The following NRG3 variants were observed in gnomAD, a reference collection of about 807,000 sequenced individuals.
NRG3 encodes the protein pro-neuregulin-3, membrane-bound isoform.
In NRG3, 31 loss-of-function variants were observed where a neutral mutation model predicts 66.9. That is an observed-to-expected ratio of 0.46 (90% CI 0.35 to 0.63). The LOEUF (loss-of-function observed/expected upper bound fraction) is 0.63. Ranked by LOEUF, NRG3 falls within the 20% of genes least tolerant of loss-of-function variation. NRG3 has a pLI of 0.00. For synonymous variants in NRG3, 393 were observed against 359.4 expected, an observed-to-expected ratio of 1.09 and a Z score of -1.06; for missense variants, 910 against 878.9, an observed-to-expected ratio of 1.04 and a Z score of -0.45.
chr10:82,131,612 T>C (rs1377448350), intron 1 of NRG3, among the ~76,000 whole-genome samples: 1 of 152,162 alleles, frequency 6.6e-6, no homozygotes, highest in Non-Finnish European at 1.5e-5. Flanking sequence ...CTATCAAATC[T>C]GTATATTGCT....
chr10:82,330,001 C>A (rs1252966996), intron 1 of NRG3, among the ~76,000 whole-genome samples: 2 of 152,154 alleles, frequency 1.3e-5, no homozygotes, highest in East Asian at 3.9e-4. Context: ...TGCATTGATT[C>A]TCTTTCTTCC....
chr10:82,827,204 T>TA (rs5786573), intron 3 of NRG3: 2,645 of 192,990 alleles, frequency 0.014, 63 homozygotes, highest in Non-Finnish European at 0.019. Flanking sequence ...TACCAAATTG[T>TA]AAAAAAAAAA....
At chr10:82,776,071 T>G (rs1565302949) in intron 3 of NRG3, among the ~76,000 whole-genome samples, 1 of 152,214 alleles carries the variant, frequency 6.6e-6, no homozygotes, top group East Asian at 1.9e-4. Context: ...TTATAATCCT[T>G]TTATTTCCAA....
chr10:82,537,996 T>A, intron 2 of NRG3, among the ~76,000 whole-genome samples: 1 of 152,290 alleles, frequency 6.6e-6, no homozygotes, highest in East Asian at 1.9e-4. Context: ...ACACATTCCC[T>A]GTTCATTCAT....
intron 2 of NRG3, among the ~76,000 whole-genome samples, chr10:82,640,087 C>T (rs1265899656): frequency 6.6e-6 from 1 of 152,118 alleles, no homozygotes; most frequent in African/African-American, 2.4e-5. Flanking sequence ...CGTGTTCCTG[C>T]AGAGGACAAG....
At chr10:82,841,406 T>C (rs549810536) in intron 3 of NRG3, among the ~76,000 whole-genome samples, 1 of 152,304 alleles carries the variant, frequency 6.6e-6, no homozygotes, top group East Asian at 1.9e-4. Flanking sequence ...GAAATATGAA[T>C]AGTGATGATT....
At chr10:82,714,662 A>G (rs2056869280) in intron 2 of NRG3, among the ~76,000 whole-genome samples, 2 of 152,234 alleles carry the variant, frequency 1.3e-5, no homozygotes, top group Admixed American at 1.3e-4. Flanking sequence ...TGCAAATTCT[A>G]AATAAGGATT....
chr10:81,981,408 C>T (rs2060327097), intron 1 of NRG3, among the ~76,000 whole-genome samples: 1 of 152,212 alleles, frequency 6.6e-6, no homozygotes. Flanking sequence ...GATATTAAGG[C>T]TCAGTAGTAA....
intron 1 of NRG3, among the ~76,000 whole-genome samples, chr10:82,144,132 C>T (rs2132679069): frequency 6.6e-6 from 1 of 151,988 alleles, no homozygotes; most frequent in Non-Finnish European, 1.5e-5. Flanking sequence ...TCTCCCTTTA[C>T]TATTTAATAT....
chr10:82,337,152 GGAACA>G, intron 1 of NRG3, among the ~76,000 whole-genome samples: 1 of 152,122 alleles, frequency 6.6e-6, no homozygotes, highest in Admixed American at 6.5e-5. Flanking sequence ...TTAACAGATA[GGAACA>G]TAAAGTTTCA....
At chr10:82,762,144 C>T (rs577095074) in intron 3 of NRG3, among the ~76,000 whole-genome samples, 8 of 151,700 alleles carry the variant, frequency 5.3e-5, no homozygotes, top group East Asian at 3.9e-4. Flanking sequence ...GCCTCCGCCT[C>T]GCCAGCTAGG....
chr10:82,535,872 A>G (rs1847761446), intron 2 of NRG3, among the ~76,000 whole-genome samples: 1 of 151,486 alleles, frequency 6.6e-6, no homozygotes, highest in South Asian at 2.1e-4. Flanking sequence ...GTTTGCAACA[A>G]TTCAAAATGC....
At chr10:82,037,279 A>T (rs1280493457) in intron 1 of NRG3, among the ~76,000 whole-genome samples, 1 of 152,110 alleles carries the variant, frequency 6.6e-6, no homozygotes, top group African/African-American at 2.4e-5. Flanking sequence ...CCAAACAGTC[A>T]TGGCACAAGG....
intron 4 of NRG3, among the ~76,000 whole-genome samples, chr10:82,877,777 G>A (rs1841969740): frequency 6.6e-6 from 1 of 152,134 alleles, no homozygotes; most frequent in Non-Finnish European, 1.5e-5. Context: ...AAGGTCAGAT[G>A]AAGATGTCCC....
At chr10:82,421,638 G>T (rs1564902741) in intron 2 of NRG3, among the ~76,000 whole-genome samples, 1 of 152,024 alleles carries the variant, frequency 6.6e-6, no homozygotes, top group East Asian at 1.9e-4. Flanking sequence ...GCTTAGAGAA[G>T]TTTTATCCTT....
Position 82,544,775 on chromosome 10 carries a change from C to T in NRG3, c.953+185907C>T, listed in dbSNP as rs1590600632. 2.0e-5 allele frequency among the ~76,000 whole-genome samples: 3 copies of T among 152,120 alleles called. No homozygotes were observed. In the East Asian group the frequency reaches 5.8e-4, roughly 29 times the overall value. On this transcript the variant is annotated intron_variant, in intron 2 of 8. Transcript: ENST00000372141. ...CCCACAGATAGCTCAGTTCAATAAACACTTATTATTGATAGCTCCTAAACA... is the reference window on the plus strand; with the variant it reads ...CCCACAGATAGCTCAGTTCAATAAATACTTATTATTGATAGCTCCTAAACA...
intron 1 of NRG3, among the ~76,000 whole-genome samples, chr10:82,209,108 A>G (rs2075272659): frequency 6.6e-6 from 1 of 152,198 alleles, no homozygotes; most frequent in Admixed American, 6.5e-5. Context: ...TAACATCTTC[A>G]AGGAATCTGT....
chr10:81,999,971 A>C (rs545142571), intron 1 of NRG3, among the ~76,000 whole-genome samples: 3 of 152,200 alleles, frequency 2.0e-5, no homozygotes, highest in African/African-American at 7.2e-5. Flanking sequence ...GCTGATATCT[A>C]TTCTAAATGA....
intron 2 of NRG3, among the ~76,000 whole-genome samples, chr10:82,621,388 A>G (rs1044676677): frequency 6.6e-5 from 10 of 152,202 alleles, no homozygotes; most frequent in African/African-American, 2.4e-4. Context: ...CAACTCTGCC[A>G]TCTGGCACAA....
Sources: gnomAD v4.1 joint callset for allele counts (sites outside exome capture counted in the v4.1 genomes callset) on GRCh38, gnomAD v4.1.1 for gene constraint, MANE v1.5 for transcripts, NCBI Gene and HGNC (gene_info 2026-07-23, HGNC 2026-07-21) for gene names.